The following ADGRF3 variants were observed in gnomAD, a reference collection of about 807,000 sequenced individuals.
The protein encoded by ADGRF3 is G protein-coupled receptor 113.
Under a neutral mutation model 93.2 loss-of-function variants are expected in ADGRF3, and 85 were observed. That is an observed-to-expected ratio of 0.91 (90% confidence interval 0.77 to 1.09). The LOEUF (loss-of-function observed/expected upper bound fraction) is 1.09. Ranked by LOEUF, ADGRF3 falls within the 50% of genes least tolerant of loss-of-function variation. ADGRF3 has a pLI of 0.00. For synonymous variants in ADGRF3, 534 were observed against 532.5 expected, an observed-to-expected ratio of 1.00 and a Z score of -0.04; for missense variants, 1,125 against 1,246.2, an observed-to-expected ratio of 0.90 and a Z score of 1.46.
rs755637603 is a variant in ADGRF3 at position 26,312,971 on chromosome 2, CTGGCCTCTGCCACCACCT to C, written c.1403_1420del (p.Lys468_Ala473del). 7.4e-6 allele frequency: 12 copies of C among 1,613,206 alleles called. No homozygotes were observed. Among genetic ancestry groups the C allele is most frequent in the Non-Finnish European group, 1.0e-5 (12 of 1,179,628 alleles). On this transcript the variant is annotated inframe_deletion, in exon 9 of 14. Coordinates refer to ENST00000651242, the MANE Select transcript of ADGRF3 (RefSeq NM_001321971.2). ...CAGGGCTCTGCGGTCAAGCTGTATT[CTGGCCTCTGCCACCACCT>C]TGGCCACGTATTTCATGGTGCTCAG...
chr2:26,339,433 T>C (rs922340642), intron 1 of ADGRF3, among the ~76,000 whole-genome samples: 5 of 151,902 alleles, frequency 3.3e-5, no homozygotes, highest in Non-Finnish European at 5.9e-5. Flanking sequence ...GAGGCAGAGG[T>C]TGCAGTGAGC....
rs1673778424 is a variant in ADGRF3 at position 26,308,875 on chromosome 2, A to AT, written c.*210dup. 1 of 574,624 alleles carries AT rather than the reference A, an allele frequency of 1.7e-6. No individual in the cohort carries two copies. Among genetic ancestry groups the AT allele is most frequent in the Non-Finnish European group, 3.0e-6 (1 of 336,178 alleles). The allele number at this position is 574,624 out of a possible 1,614,324, so 35.6% of individuals were successfully genotyped here. On this transcript the variant is annotated 3_prime_UTR_variant, in exon 14 of 14. Coordinates refer to ENST00000651242, the MANE Select transcript of ADGRF3 (RefSeq NM_001321971.2). The stretch of plus-strand genomic sequence containing the variant: ...CTTATTCATTAGGTGCCTTTAGCTA[A>AT]TTTTTCCTGCTATTCTTGCTGGATA...
chr2:26,335,641 T>C (rs980839212), intron 1 of ADGRF3, among the ~76,000 whole-genome samples: 7 of 102,720 alleles, frequency 6.8e-5, no homozygotes, highest in African/African-American at 3.0e-4. Flanking sequence ...TTGCCAACGC[T>C]GTTTTTTTTT....
intron 1 of ADGRF3, chr2:26,318,096 G>C (rs1176018269): frequency 3.2e-6 from 5 of 1,549,642 alleles, no homozygotes; most frequent in Non-Finnish European, 4.4e-6. Flanking sequence ...AGAAGATAGG[G>C]GGATGGGGCA....
intron 10 of ADGRF3, 84 bp downstream of exon 10, chr2:26,310,607 AC>A: frequency 7.2e-7 from 1 of 1,387,664 alleles, no homozygotes; most frequent in African/African-American, 1.4e-5. Context: ...CTTCTGCTCC[AC>A]CTTGGTACCT....
At chr2:26,325,492 G>T (rs1469020334) in intron 1 of ADGRF3, among the ~76,000 whole-genome samples, 2 of 152,196 alleles carry the variant, frequency 1.3e-5, no homozygotes, top group Non-Finnish European at 2.9e-5. Context: ...TGCATTTGCT[G>T]TCTGGGACTG....
In ADGRF3 at chr2:26,313,357, C is replaced by T; in HGVS notation, c.1269+20G>A. 2 of 1,552,898 alleles carry T rather than the reference C, an allele frequency of 1.3e-6. No homozygotes were observed. Among genetic ancestry groups the T allele is most frequent in the Non-Finnish European group, 1.7e-6 (2 of 1,149,712 alleles). ...GTGGGCCGTGGAGGGGGCACGTGGG[C>T]AGCAGGGTGGAAGCTTCACCTTGGT... On this transcript the variant is annotated intron_variant, in intron 8 of 13. Transcript: ENST00000651242.
intron 1 of ADGRF3, among the ~76,000 whole-genome samples, chr2:26,321,875 G>A (rs1191568895): frequency 2.0e-5 from 3 of 151,610 alleles, no homozygotes; most frequent in Non-Finnish European, 2.9e-5. Context: ...TCAAAAGACT[G>A]AGGCAGGGAA....
chr2:26,345,233 G>C (rs1355521812), intron 1 of ADGRF3, among the ~76,000 whole-genome samples: 1 of 152,114 alleles, frequency 6.6e-6, no homozygotes, highest in East Asian at 1.9e-4. Context: ...TCAATAAAAA[G>C]CAGCAACTAT....
chr2:26,317,816 T>G (rs1418532031), intron 1 of ADGRF3, among the ~76,000 whole-genome samples: 2 of 152,260 alleles, frequency 1.3e-5, no homozygotes, highest in Admixed American at 6.5e-5. Context: ...GTTTAATTCC[T>G]TCCTGCGTTT....
intron 2 of ADGRF3, 90 bp downstream of exon 2, chr2:26,317,406 C>T (rs1674797254): frequency 7.9e-7 from 1 of 1,264,020 alleles, no homozygotes; most frequent in Non-Finnish European, 1.1e-6. Context: ...CCTCGCTGCA[C>T]CTGCCCTCTC....
At chr2:26,322,288 A>AC (rs796495873) in intron 1 of ADGRF3, among the ~76,000 whole-genome samples, 3,269 of 151,364 alleles carry the variant, frequency 0.022, 134 homozygotes, top group African/African-American at 0.075. Flanking sequence ...GTCTCAAAAA[A>AC]AAAAAAAAAA....
intron 1 of ADGRF3, among the ~76,000 whole-genome samples, chr2:26,319,700 G>A (rs779801303): frequency 2.8e-5 from 4 of 141,910 alleles, no homozygotes; most frequent in East Asian, 2.1e-4. Flanking sequence ...TCTCTCTCTC[G>A]CTTGCTCTCA....
intron 4 of ADGRF3, 72 bp from the exon 5 acceptor site, chr2:26,315,812 T>C (rs1396084764): frequency 6.5e-7 from 1 of 1,540,584 alleles, no homozygotes; most frequent in African/African-American, 1.4e-5. Flanking sequence ...GAGCAATGGC[T>C]TCTCCCCTGA....
intron 1 of ADGRF3, among the ~76,000 whole-genome samples, chr2:26,326,774 CTTTTTCT>C (rs1460342545): frequency 6.6e-6 from 1 of 151,890 alleles, no homozygotes; most frequent in East Asian, 1.9e-4. Context: ...TGGAAGTAGC[CTTTTTCT>C]TTTTTCTTTG....
At position 26,346,360 on chromosome 2, in the gene ADGRF3, C is replaced by T. The variant is rs1299312114; in HGVS notation, c.-126G>A. The T allele has an allele frequency of 1.1e-5, 16 of 1,506,548 alleles. No homozygotes were observed. Among genetic ancestry groups the T allele is most frequent in the Non-Finnish European group, 1.3e-5 (15 of 1,126,590 alleles). The allele number at this position is 1,506,548 out of a possible 1,614,324, so 93.3% of individuals were successfully genotyped here. Reference sequence around the variant, plus strand: ...CCAGGCGGCTGAGGGGCCCGCGCGGCGCGGTCCGTGTCACCTTGTGCCGCG... The same window carrying T: ...CCAGGCGGCTGAGGGGCCCGCGCGGTGCGGTCCGTGTCACCTTGTGCCGCG... On this transcript the variant is annotated 5_prime_UTR_variant, in exon 1 of 14. Coordinates refer to ENST00000651242, the MANE Select transcript of ADGRF3 (RefSeq NM_001321971.2).
At chr2:26,322,186 G>T (rs1224897518) in intron 1 of ADGRF3, among the ~76,000 whole-genome samples, 2 of 151,000 alleles carry the variant, frequency 1.3e-5, no homozygotes, top group Admixed American at 6.6e-5. Flanking sequence ...GGAGGCTGAG[G>T]GAGGAGAATC....
At position 26,311,011 on chromosome 2, in the gene ADGRF3, AG is replaced by A; in HGVS notation, c.2512del (p.Leu838TyrfsTer7). On this transcript the variant is annotated frameshift_variant, in exon 10 of 14. Coordinates refer to ENST00000651242, the MANE Select transcript of ADGRF3 (RefSeq NM_001321971.2). LOFTEE classifies it high-confidence loss of function. ...GLAGVTLGLY[L>X]PQGQYLREGE... Reference sequence around the variant, plus strand: ...CTCCCTCAGGTATTGCCCTTGAGGTAGGTAGAGCCCCAGGGTGACACCTGCC... The same window carrying A: ...CTCCCTCAGGTATTGCCCTTGAGGTAGTAGAGCCCCAGGGTGACACCTGCC... 1 of 1,612,954 alleles carries A rather than the reference AG, an allele frequency of 6.2e-7. No homozygotes were observed. The highest frequency in any genetic ancestry group is 8.5e-7 in the Non-Finnish European group (1 of 1,179,516).
Position 26,346,346 on chromosome 2 carries a change from A to AG in ADGRF3, c.-113dup. The AG allele has an allele frequency of 6.4e-7, 1 of 1,555,642 alleles. No individual in the cohort carries two copies. Among genetic ancestry groups the AG allele is most frequent in the Non-Finnish European group, 8.7e-7 (1 of 1,151,606 alleles). ...GCTCCCGGCCTCGCCCAGGCGGCTG[A>AG]GGGGCCCGCGCGGCGCGGTCCGTGT... On this transcript the variant is annotated 5_prime_UTR_variant, in exon 1 of 14. An upstream open reading frame in the 5' UTR loses its in-frame stop. Transcript: ENST00000651242.
Sources: allele counts gnomAD v4.1 joint callset (sites outside exome capture counted in the v4.1 genomes callset), GRCh38; gene constraint gnomAD v4.1.1; transcripts MANE v1.5; gene names NCBI Gene and HGNC (gene_info 2026-07-23, HGNC 2026-07-21).